Variants in FAM89A observed in about 807,000 individuals in gnomAD.
The protein encoded by FAM89A is family with sequence similarity 89 member A.
A neutral mutation model predicts 7.1 loss-of-function variants in FAM89A; 10 were observed. The observed-to-expected ratio is 1.40, with a 90% CI of 0.86 to 2.38. The LOEUF (loss-of-function observed/expected upper bound fraction) is 2.38. Among genes scored for constraint, FAM89A ranks in the 30% most tolerant of loss-of-function variants. The probability of loss-of-function intolerance (pLI) is 0.00; values close to 1 mark genes in which losing one functional copy is unlikely to be tolerated. For missense variants in FAM89A, 276 were observed against 262.8 expected, an observed-to-expected ratio of 1.05 and a Z score of -0.35; for synonymous variants, 157 against 129.3, an observed-to-expected ratio of 1.21 and a Z score of -1.45.
In FAM89A at chr1:231,019,175, C is replaced by CTTTTTTTTTT. The variant is rs5781620; in HGVS notation, c.*678_*687dup. The CTTTTTTTTTT allele has an allele frequency of 6.9e-6, 1 of 145,520 alleles. No individual in the cohort carries two copies. 9.0% of individuals were successfully genotyped at this position (145,520 alleles called of 1,614,324 possible). ...ATTGGCTTGCCCCAGTTTTTGTGTT[C>CTTTTTTTTTT]TTTTTTTTTTTTTCACTATTCAACA... is the stretch of plus-strand genomic sequence containing the variant. On this transcript the variant is annotated 3_prime_UTR_variant, in exon 2 of 2. Coordinates refer to ENST00000366654, the MANE Select transcript of FAM89A (RefSeq NM_198552.3).
At chr1:231,029,309 C>T (rs76766884) in intron 1 of FAM89A, among the ~76,000 whole-genome samples, 21,458 of 151,886 alleles carry the variant, frequency 0.14, 1,673 homozygotes, top group Middle Eastern at 0.23. Flanking sequence ...GGCAAGATGA[C>T]GAGACCCTCA....
intron 1 of FAM89A, among the ~76,000 whole-genome samples, chr1:231,027,710 G>A (rs1679998282): frequency 6.6e-6 from 1 of 152,204 alleles, no homozygotes; most frequent in South Asian, 2.1e-4. Flanking sequence ...CATCTGGTCT[G>A]ACTGTTCTTC....
chr1:231,039,425 C>A (rs1376567018), intron 1 of FAM89A, among the ~76,000 whole-genome samples: 2 of 152,222 alleles, frequency 1.3e-5, no homozygotes, highest in African/African-American at 4.8e-5. Context: ...GGACGCGCGG[C>A]CTGGGGCGCC....
At chr1:231,025,866 C>G (rs1044884324) in intron 1 of FAM89A, 1 of 152,190 alleles carries the variant, frequency 6.6e-6, no homozygotes, top group Admixed American at 6.6e-5. Flanking sequence ...CAGCAAAGAA[C>G]CAGTGATCTT....
chr1:231,032,625 TTTTG>T (rs148560291), intron 1 of FAM89A, among the ~76,000 whole-genome samples: 84,298 of 151,358 alleles, frequency 0.56, 23,990 homozygotes, highest in Non-Finnish European at 0.62. Context: ...CCCAAAGAGC[TTTTG>T]TTTATGTGAG....
Position 231,039,549 on chromosome 1 carries a change from CT to C in FAM89A, c.291+371del, listed in dbSNP as rs564472410. On this transcript the variant is annotated intron_variant, in intron 1 of 1. Transcript: ENST00000366654. ...TAATCCGTTGGGCCGCTGTGAAAGC[CT>C]TTCCCCCACCGGGAAGGTCTGTTTC... 6.1e-3 allele frequency among the ~76,000 whole-genome samples: 934 copies of C among 152,346 alleles called. 12 individuals are homozygous for C. Among genetic ancestry groups the C allele is most frequent in the African/African-American group, 0.021 (862 of 41,574 alleles).
chr1:231,040,073 A>T lies in FAM89A; in HGVS notation c.139T>A (p.Trp47Arg). ...SASGGGASGG[W>R]RHLERLYAQK... ...GCGTACAGCCGCTCCAGGTGCCGCC[A>T]GCCCCCAGACGCGCCGCCGCCCGAC... The change falls in exon 1 of 2, where the codon TGG becomes AGG. Residue 47 changes from tryptophan to arginine, a missense_variant. By Grantham distance (101) the Trp-to-Arg change is moderately radical. Coordinates refer to ENST00000366654, the MANE Select transcript of FAM89A (RefSeq NM_198552.3). The T allele has an allele frequency of 6.9e-7, 1 of 1,445,860 alleles. No homozygotes were observed. The highest frequency in any genetic ancestry group is 2.3e-5 in the Admixed American group (1 of 42,884). The allele number at this position is 1,445,860 out of a possible 1,614,324, so 89.6% of individuals were successfully genotyped here.
At position 231,039,937 on chromosome 1, in the gene FAM89A, A is replaced by G; in HGVS notation, c.275T>C (p.Leu92Pro). 7.4e-7 allele frequency: 1 copy of G among 1,348,576 alleles called. No homozygotes were observed. Among genetic ancestry groups the G allele is most frequent in the Non-Finnish European group, 9.5e-7 (1 of 1,057,826 alleles). The allele number at this position is 1,348,576 out of a possible 1,614,324, so 83.5% of individuals were successfully genotyped here. The part of the protein sequence containing the change: ...KPPNLDAALA[L>P]LRKEMVGLRQ... ...CCCACTCACCATCTCTTTGCGGAGC[A>G]GCGCCAGAGCGGCGTCCAGGTTGGG... The change falls in exon 1 of 2, where the codon CTG becomes CCG. Residue 92 changes from leucine to proline, a missense_variant. By Grantham distance (98) the Leu-to-Pro change is moderately conservative. Coordinates refer to ENST00000366654, the MANE Select transcript of FAM89A (RefSeq NM_198552.3).
At chr1:231,020,821 A>G (rs1401688135) in intron 1 of FAM89A, among the ~76,000 whole-genome samples, 1 of 152,198 alleles carries the variant, frequency 6.6e-6, no homozygotes, top group East Asian at 1.9e-4. Flanking sequence ...GCAGCAAAAG[A>G]ACACAGAACA....
At chr1:231,020,943 T>C (rs79082831) in intron 1 of FAM89A, among the ~76,000 whole-genome samples, 7,308 of 152,084 alleles carry the variant, frequency 0.048, 362 homozygotes, top group African/African-American at 0.12. Context: ...TTTACACCAA[T>C]ACCAAAGAGA....
chr1:231,021,653 C>A, intron 1 of FAM89A: 1 of 1,557,332 alleles, frequency 6.4e-7, no homozygotes, highest in Non-Finnish European at 8.9e-7. Flanking sequence ...AAATTCTAGA[C>A]AAGCCCAGAA....
chr1:231,030,446 A>G (rs964566609), intron 1 of FAM89A, among the ~76,000 whole-genome samples: 1 of 152,196 alleles, frequency 6.6e-6, no homozygotes, highest in Non-Finnish European at 1.5e-5. Context: ...GCAATTTAAC[A>G]ATTCTCAGAA....
intron 1 of FAM89A, among the ~76,000 whole-genome samples, chr1:231,038,978 G>T (rs997127783): frequency 1.3e-5 from 2 of 152,198 alleles, no homozygotes; most frequent in Non-Finnish European, 2.9e-5. Context: ...GGAAAGGGAG[G>T]CTTTTAAAAC....
chr1:231,039,601 C>A (rs1680220902), intron 1 of FAM89A, among the ~76,000 whole-genome samples: 1 of 152,240 alleles, frequency 6.6e-6, no homozygotes, highest in Non-Finnish European at 1.5e-5. Context: ...ACAAGGCCGC[C>A]CCCGCCCCCA....
At chr1:231,028,918 G>C (rs115500913) in intron 1 of FAM89A, among the ~76,000 whole-genome samples, 1,537 of 152,240 alleles carry the variant, frequency 0.01, 24 homozygotes, top group African/African-American at 0.035. Flanking sequence ...CCTTGAAACT[G>C]CTTCCTTTCA....
At chr1:231,039,183 C>T (rs1382652609) in intron 1 of FAM89A, among the ~76,000 whole-genome samples, 3 of 152,260 alleles carry the variant, frequency 2.0e-5, no homozygotes, top group African/African-American at 7.2e-5. Flanking sequence ...AGCTAATGTA[C>T]TTCCCAAGCA....
Position 231,039,933 on chromosome 1 carries a change from G to T in FAM89A, c.279C>A (p.Leu93=). Residue 93 remains leucine (L), a synonymous_variant, in exon 1 of 2, where the codon CTC becomes CTA. Coordinates refer to ENST00000366654, the MANE Select transcript of FAM89A (RefSeq NM_198552.3). ...GAGCCCCACTCACCATCTCTTTGCG[G>T]AGCAGCGCCAGAGCGGCGTCCAGGT... ...PPNLDAALAL[L]RKEMVGLRQL... is the part of the protein sequence containing the mutation. 1 of 1,345,400 alleles carries T rather than the reference G, an allele frequency of 7.4e-7. No homozygotes were observed. Among genetic ancestry groups the T allele is most frequent in the Non-Finnish European group, 9.5e-7 (1 of 1,055,898 alleles). The allele number at this position is 1,345,400 out of a possible 1,614,324, so 83.3% of individuals were successfully genotyped here.
In FAM89A at chr1:231,021,417, G is replaced by A. The variant is rs374218020; in HGVS notation, c.292-1291C>T. On this transcript the variant is annotated intron_variant, in intron 1 of 1. Coordinates refer to ENST00000366654, the MANE Select transcript of FAM89A (RefSeq NM_198552.3). ...AGAAGGAGCTTCTTCTCTGGAGTGC[G>A]CCGGTGGCAGCGCCTGCAGACCTAA... Among the ~76,000 whole-genome samples the A allele has an allele frequency of 8.5e-4, 129 of 152,316 alleles. 1 individual carries two copies. The highest frequency in any genetic ancestry group is 2.7e-3 in the South Asian group (13 of 4,832).
intron 1 of FAM89A, among the ~76,000 whole-genome samples, chr1:231,033,235 A>G (rs1237286458): frequency 2.0e-5 from 3 of 152,210 alleles, no homozygotes; most frequent in Non-Finnish European, 4.4e-5. Context: ...CATATGGAGA[A>G]TGACACTGGC....
Sources: allele counts gnomAD v4.1 joint callset (sites outside exome capture counted in the v4.1 genomes callset), GRCh38; gene constraint gnomAD v4.1.1; transcripts MANE v1.5; gene names NCBI Gene and HGNC (gene_info 2026-07-23, HGNC 2026-07-21).